MPRIP: variants seen among roughly 807,000 people sequenced by gnomAD.
The protein encoded by MPRIP is myosin phosphatase Rho interacting protein, also known as myosin phosphatase Rho-interacting protein.
Under a neutral mutation model 234.9 loss-of-function variants are expected in MPRIP, and 59 were observed. That is an observed-to-expected ratio of 0.25 (90% confidence interval 0.20 to 0.31). MPRIP has a LOEUF of 0.31. MPRIP is among the 10% of genes least tolerant of loss of function. The probability of loss-of-function intolerance (pLI) is 1.00; values close to 1 mark genes in which losing one functional copy is unlikely to be tolerated. For synonymous variants in MPRIP, 1,144 were observed against 1,263.9 expected, an observed-to-expected ratio of 0.91 and a Z score of 2.01; for missense variants, 2,436 against 3,071.0, an observed-to-expected ratio of 0.79 and a Z score of 4.89.
chr17:17,092,006 C>A (rs1457527865), intron 3 of MPRIP, among the ~76,000 whole-genome samples: 3 of 152,224 alleles, frequency 2.0e-5, no homozygotes, highest in Non-Finnish European at 2.9e-5. Context: ...TATGGCGACC[C>A]ACACTAGAGG....
chr17:17,118,861 G>A (rs943291664), intron 3 of MPRIP, among the ~76,000 whole-genome samples: 2 of 152,194 alleles, frequency 1.3e-5, no homozygotes, highest in African/African-American at 4.8e-5. Context: ...GGGGAGGTCT[G>A]CAGCCCCAGA....
At chr17:17,118,373 G>T (rs2090325662) in intron 3 of MPRIP, among the ~76,000 whole-genome samples, 1 of 152,232 alleles carries the variant, frequency 6.6e-6, no homozygotes, top group Admixed American at 6.5e-5. Flanking sequence ...GGGTCTGCCA[G>T]GTTGTAGCAT....
intron 1 of MPRIP, among the ~76,000 whole-genome samples, chr17:17,058,717 A>G (rs1161494791): frequency 6.6e-6 from 1 of 152,216 alleles, no homozygotes; most frequent in Non-Finnish European, 1.5e-5. Context: ...TCATTTCCAG[A>G]TGGACCATAT....
At chr17:17,066,676 A>G (rs2143968919) in intron 1 of MPRIP, among the ~76,000 whole-genome samples, 1 of 138,930 alleles carries the variant, frequency 7.2e-6, no homozygotes, top group East Asian at 2.3e-4. Context: ...TTGATTGGAA[A>G]CAACCTAGAT....
intron 5 of MPRIP, among the ~76,000 whole-genome samples, chr17:17,135,922 A>G (rs1332006104): frequency 6.6e-6 from 1 of 152,140 alleles, no homozygotes; most frequent in African/African-American, 2.4e-5. Context: ...GGCGCTGTGA[A>G]CTTGTTCTTG....
At chr17:17,043,778 A>G (rs2088258028) in intron 1 of MPRIP, among the ~76,000 whole-genome samples, 1 of 152,096 alleles carries the variant, frequency 6.6e-6, no homozygotes, top group East Asian at 1.9e-4. Flanking sequence ...CCCTGCAGTG[A>G]TTGCTGTTTG....
At chr17:17,072,296 G>C (rs1050479192) in intron 1 of MPRIP, among the ~76,000 whole-genome samples, 6 of 152,154 alleles carry the variant, frequency 3.9e-5, no homozygotes, top group Non-Finnish European at 5.9e-5. Flanking sequence ...GTTATGTAAG[G>C]AGAAGGTAAC....
In MPRIP at chr17:17,175,340, G is replaced by C; in HGVS notation, c.6798G>C (p.Leu2266=). ...LAAEITRLRT[L]LTGDGGGEAT... ...CAGAGATCACACGGTTGCGGACGCT[G>C]CTGACTGGGGACGGCGGTGGGGAGG... Residue 2266 remains leucine, a synonymous_variant, in exon 20 of 24, where the codon CTG becomes CTC. Coordinates refer to ENST00000651222, the MANE Select transcript of MPRIP (RefSeq NM_001364716.4). 6.2e-7 allele frequency: 1 copy of C among 1,613,546 alleles called. No individual in the cohort carries two copies. Among genetic ancestry groups the C allele is most frequent in the Non-Finnish European group, 8.5e-7 (1 of 1,180,000 alleles).
intron 18 of MPRIP, chr17:17,173,699 T>C (rs2046193418): frequency 2.9e-6 from 2 of 689,342 alleles, no homozygotes; most frequent in Non-Finnish European, 5.3e-6. Flanking sequence ...AGAGAAGTGC[T>C]AGCTGTAGGA....
At chr17:17,085,525 A>G (rs2089569011) in intron 3 of MPRIP, among the ~76,000 whole-genome samples, 1 of 152,218 alleles carries the variant, frequency 6.6e-6, no homozygotes. Context: ...AAGTTTTAAA[A>G]TGTATACAGT....
rs375982707 is a variant in MPRIP at position 17,161,294 on chromosome 17, C to G, written c.2455C>G (p.Gln819Glu). The change falls in exon 15 of 24, where the codon CAG becomes GAG. Residue 819 changes from glutamine to glutamate, a missense_variant. Gln to Glu is a conservative substitution (Grantham distance 29). This residue lies in a region of MPRIP where 1,998 missense variants were observed against 2,520.3 expected (regional missense o/e 0.79). Transcript: ENST00000651222. ...SDLLEQNRLL[Q>E]DQLRVALGRE... is the part of the protein sequence containing the mutation. ...CCTTCTGGAGCAGAACCGGCTCCTG[C>G]AGGACCAGCTGAGGGTGGCCCTGGG... 18 of 1,599,116 alleles carry G rather than the reference C, an allele frequency of 1.1e-5. No individual in the cohort carries two copies. In the East Asian group the frequency reaches 3.6e-4, roughly 32 times the overall value.
chr17:17,111,778 G>C (rs1213828333), intron 3 of MPRIP, among the ~76,000 whole-genome samples: 1 of 152,100 alleles, frequency 6.6e-6, no homozygotes, highest in Non-Finnish European at 1.5e-5. Flanking sequence ...TGTGATGTCT[G>C]GTCAGACCTG....
chr17:17,074,276 C>T (rs2089273198), intron 1 of MPRIP, among the ~76,000 whole-genome samples: 1 of 152,226 alleles, frequency 6.6e-6, no homozygotes, highest in Admixed American at 6.5e-5. Context: ...ACTGGTTGTA[C>T]CTTTTCCAAT....
chr17:17,153,724 C>A (rs1278892619), intron 12 of MPRIP, among the ~76,000 whole-genome samples: 1 of 152,032 alleles, frequency 6.6e-6, no homozygotes, highest in Admixed American at 6.5e-5. Flanking sequence ...CCCCTGCCAT[C>A]ACCTTAATTC....
chr17:17,121,997 C>G (rs2090398424), intron 3 of MPRIP, among the ~76,000 whole-genome samples: 1 of 152,196 alleles, frequency 6.6e-6, no homozygotes, highest in Non-Finnish European at 1.5e-5. Flanking sequence ...TTATCTCATT[C>G]TTTTTTATGA....
In MPRIP at chr17:17,147,524, C is replaced by T. The variant is rs1249990871; in HGVS notation, c.1629+137C>T. ...GCGCCCTTCGGTGGTGTTACCTTGC[C>T]GAAGGTATGTCCATGTTGCCCTCTT... On this transcript the variant is annotated intron_variant, in intron 11 of 23. Transcript: ENST00000651222. 4.9e-5 allele frequency: 39 copies of T among 797,752 alleles called. No homozygotes were observed. In the East Asian group the frequency reaches 5.5e-4, roughly 11 times the overall value. 49.4% of individuals were successfully genotyped at this position (797,752 alleles called of 1,614,324 possible).
chr17:17,177,619 A>G (rs2046285064), intron 22 of MPRIP, among the ~76,000 whole-genome samples: 1 of 152,252 alleles, frequency 6.6e-6, no homozygotes, highest in Non-Finnish European at 1.5e-5. Flanking sequence ...TGCTGTGCTG[A>G]TTGCTCTAGG....
chr17:17,108,513 T>G (rs2090106572), intron 3 of MPRIP, among the ~76,000 whole-genome samples: 1 of 152,262 alleles, frequency 6.6e-6, no homozygotes, highest in Non-Finnish European at 1.5e-5. Flanking sequence ...AGTCTCTCTC[T>G]GGGCATAGAA....
Position 17,185,697 on chromosome 17 carries a change from CAAAT to C in MPRIP, c.*804_*807del. The C allele has an allele frequency of 2.7e-6, 1 of 364,318 alleles. No individual in the cohort carries two copies. Among genetic ancestry groups the C allele is most frequent in the South Asian group, 2.0e-5 (1 of 48,844 alleles). The allele number at this position is 364,318 out of a possible 1,614,324, so 22.6% of individuals were successfully genotyped here. ...GGTTTCAGACTCTGATTGCAAAAAACAAATGAATTCCCCCCAGGAATCATTCAAA... is the reference window on the plus strand; with the variant it reads ...GGTTTCAGACTCTGATTGCAAAAAACGAATTCCCCCCAGGAATCATTCAAA... On this transcript the variant is annotated 3_prime_UTR_variant, in exon 24 of 24. Coordinates refer to ENST00000651222, the MANE Select transcript of MPRIP (RefSeq NM_001364716.4).
Sources: allele counts gnomAD v4.1 joint callset (sites outside exome capture counted in the v4.1 genomes callset), GRCh38; gene constraint gnomAD v4.1.1; regional missense constraint gnomAD v4.1.1; transcripts MANE v1.5; gene names NCBI Gene and HGNC (gene_info 2026-07-23, HGNC 2026-07-21).